LYPD6: variants seen among roughly 807,000 people sequenced by gnomAD.
LYPD6 encodes LY6/PLAUR domain containing 6, also known as ly6/PLAUR domain-containing protein 6.
A neutral mutation model predicts 22.7 loss-of-function variants in LYPD6; 15 were observed. The ratio of observed to expected loss-of-function variants is 0.66; its 90% CI spans 0.44 to 1.02. LYPD6 has a LOEUF of 1.02. Among genes scored for constraint, LYPD6 ranks in the 50% least tolerant of loss-of-function variants. LYPD6 has a pLI of 0.00. For synonymous variants in LYPD6, 72 were observed against 77.5 expected, an observed-to-expected ratio of 0.93 and a Z score of 0.37; for missense variants, 189 against 208.4, an observed-to-expected ratio of 0.91 and a Z score of 0.57.
chr2:149,421,982 G>A (rs1310950694), intron 1 of LYPD6, among the ~76,000 whole-genome samples: 2 of 152,092 alleles, frequency 1.3e-5, no homozygotes, highest in African/African-American at 2.4e-5. Flanking sequence ...AGTCTGACAG[G>A]TGGTGACCCA....
chr2:149,427,479 C>A (rs930069858), intron 1 of LYPD6, among the ~76,000 whole-genome samples: 5 of 152,202 alleles, frequency 3.3e-5, no homozygotes, highest in African/African-American at 1.2e-4. Flanking sequence ...GACTCCTTTC[C>A]CTTCTGGCTG....
chr2:149,401,350 A>G (rs1682551785), intron 1 of LYPD6, among the ~76,000 whole-genome samples: 1 of 152,198 alleles, frequency 6.6e-6, no homozygotes, highest in Non-Finnish European at 1.5e-5. Flanking sequence ...TTCATAATGA[A>G]GAAGGAGTGA....
intron 1 of LYPD6, among the ~76,000 whole-genome samples, chr2:149,344,679 CT>C (rs1356630533): frequency 6.6e-6 from 1 of 152,144 alleles, no homozygotes; most frequent in Non-Finnish European, 1.5e-5. Context: ...TTTTATTTGG[CT>C]TCTGCACCAG....
chr2:149,338,709 G>T (rs549898633), intron 1 of LYPD6, among the ~76,000 whole-genome samples: 1 of 152,046 alleles, frequency 6.6e-6, no homozygotes, highest in African/African-American at 2.4e-5. Flanking sequence ...AATTACCCCG[G>T]CTAAGGCATT....
chr2:149,358,490 A>G (rs1029522014), intron 1 of LYPD6, among the ~76,000 whole-genome samples: 1 of 152,180 alleles, frequency 6.6e-6, no homozygotes, highest in Non-Finnish European at 1.5e-5. Flanking sequence ...AGAGAGGGCC[A>G]GAAAGAAGGC....
chr2:149,466,337 A>C (rs1345618743), intron 3 of LYPD6, among the ~76,000 whole-genome samples: 1 of 152,190 alleles, frequency 6.6e-6, no homozygotes, highest in Non-Finnish European at 1.5e-5. Context: ...TTTTTGTAAG[A>C]TAAGAAGTGG....
chr2:149,351,445 A>T (rs1005734265), intron 1 of LYPD6, among the ~76,000 whole-genome samples: 3 of 149,900 alleles, frequency 2.0e-5, no homozygotes, highest in African/African-American at 7.3e-5. Context: ...TGAGTATTTT[A>T]TTACTGACTG....
the LYPD6 span, among the ~76,000 whole-genome samples, chr2:149,481,536 AAAAAC>A: frequency 0.014 from 2,128 of 152,318 alleles, 66 homozygotes; most frequent in Admixed American, 0.075. Context: ...TTGTAATTAC[AAAAAC>A]AAAACAAAAC....
intron 3 of LYPD6, chr2:149,464,029 T>A: frequency 8.3e-6 from 3 of 361,884 alleles, no homozygotes. Context: ...GGAAACTAGG[T>A]AAAAGGTGTA....
rs547252697 is a variant in LYPD6 at position 149,455,030 on chromosome 2, C to T, written c.217+5883C>T. On this transcript the variant is annotated intron_variant, in intron 3 of 4. Coordinates refer to ENST00000334166, the MANE Select transcript of LYPD6 (RefSeq NM_194317.5). ...GCAATTTTTGAATCAGCAAATGCCTCGAGGGGAGAACAGGTATAGAATGTC... is the reference window on the plus strand; with the variant it reads ...GCAATTTTTGAATCAGCAAATGCCTTGAGGGGAGAACAGGTATAGAATGTC... Among the ~76,000 whole-genome samples the T allele has an allele frequency of 3.3e-5, 5 of 152,042 alleles. No individual in the cohort carries two copies. In the South Asian group the frequency reaches 6.3e-4, roughly 19 times the overall value.
intron 3 of LYPD6, among the ~76,000 whole-genome samples, chr2:149,454,013 G>A (rs564651755): frequency 1.3e-5 from 2 of 152,166 alleles, no homozygotes; most frequent in African/African-American, 4.8e-5. Flanking sequence ...TTCCTTTCTG[G>A]AGAATTCATT....
intron 1 of LYPD6, among the ~76,000 whole-genome samples, chr2:149,397,102 C>T (rs932856451): frequency 1.8e-4 from 28 of 152,126 alleles, no homozygotes; most frequent in South Asian, 2.1e-4. Context: ...TTCACTTCAT[C>T]GGTGTCGAAC....
chr2:149,373,599 A>G (rs1179920535), intron 1 of LYPD6, among the ~76,000 whole-genome samples: 2 of 152,066 alleles, frequency 1.3e-5, no homozygotes, highest in African/African-American at 4.8e-5. Flanking sequence ...AGAGTGGTGA[A>G]CTGTGGTGAG....
At chr2:149,415,909 T>A (rs1653105362) in intron 1 of LYPD6, among the ~76,000 whole-genome samples, 1 of 152,164 alleles carries the variant, frequency 6.6e-6, no homozygotes. Context: ...CTTGAACTCC[T>A]GGGCTCAAGC....
At chr2:149,391,138 T>C (rs1462382957) in intron 1 of LYPD6, among the ~76,000 whole-genome samples, 2 of 152,198 alleles carry the variant, frequency 1.3e-5, no homozygotes, top group Non-Finnish European at 2.9e-5. Context: ...ACACTAGCAT[T>C]CTCTTGAATG....
chr2:149,407,126 T>G (rs1270335810), intron 1 of LYPD6, among the ~76,000 whole-genome samples: 1 of 152,214 alleles, frequency 6.6e-6, no homozygotes, highest in Non-Finnish European at 1.5e-5. Context: ...GGGCTTCCCT[T>G]TGTGGTTAAC....
chr2:149,397,033 C>T (rs145113680), intron 1 of LYPD6, among the ~76,000 whole-genome samples: 108 of 152,324 alleles, frequency 7.1e-4, no homozygotes, highest in African/African-American at 1.8e-3. Flanking sequence ...AAATGCTATG[C>T]AAACAGTTGT....
At chr2:149,374,323 C>T (rs1165270032) in intron 1 of LYPD6, among the ~76,000 whole-genome samples, 2 of 152,134 alleles carry the variant, frequency 1.3e-5, no homozygotes, top group South Asian at 4.2e-4. Flanking sequence ...TTTGTGAATA[C>T]GATGCATCTT....
At chr2:149,444,454 C>T (rs1683638079) in intron 2 of LYPD6, among the ~76,000 whole-genome samples, 1 of 152,148 alleles carries the variant, frequency 6.6e-6, no homozygotes, top group African/African-American at 2.4e-5. Flanking sequence ...TTCTGCCCTT[C>T]ACAAAAGATT....
Sources: gnomAD v4.1 joint callset for allele counts (sites outside exome capture counted in the v4.1 genomes callset) on GRCh38, gnomAD v4.1.1 for gene constraint, MANE v1.5 for transcripts, NCBI Gene and HGNC (gene_info 2026-07-23, HGNC 2026-07-21) for gene names.